Variants in PCP4 observed in about 807,000 individuals in gnomAD.
The protein encoded by PCP4 is calmodulin regulator protein PCP4.
A neutral mutation model predicts 10.0 loss-of-function variants in PCP4; 8 were observed. The observed-to-expected ratio is 0.80, with a 90% CI of 0.47 to 1.45. The LOEUF is 1.45. Ranked by LOEUF, PCP4 falls within the 40% of genes most tolerant of loss-of-function variation. PCP4 has a pLI of 0.00. For missense variants in PCP4, 54 were observed against 74.4 expected, an observed-to-expected ratio of 0.73 and a Z score of 1.01; for synonymous variants, 21 against 23.0, an observed-to-expected ratio of 0.91 and a Z score of 0.24.
chr21:39,868,173 G>A (rs186461760), intron 1 of PCP4, among the ~76,000 whole-genome samples: 27 of 152,276 alleles, frequency 1.8e-4, no homozygotes, highest in Middle Eastern at 3.4e-3. Flanking sequence ...CTGACAGCAC[G>A]TTTGTTTTTC....
At chr21:39,910,318 G>A (rs1467361731) in intron 2 of PCP4, among the ~76,000 whole-genome samples, 1 of 152,116 alleles carries the variant, frequency 6.6e-6, no homozygotes, top group African/African-American at 2.4e-5. Flanking sequence ...GCTTCCCACA[G>A]CAGTCATCGC....
At chr21:39,920,207 T>C (rs1568861857) in intron 2 of PCP4, among the ~76,000 whole-genome samples, 1 of 146,324 alleles carries the variant, frequency 6.8e-6, no homozygotes, top group Non-Finnish European at 1.5e-5. Flanking sequence ...ATACGATATG[T>C]GTGTTTGGTG....
chr21:39,893,750 G>A (rs1226520574), intron 1 of PCP4, among the ~76,000 whole-genome samples: 1 of 152,242 alleles, frequency 6.6e-6, no homozygotes, highest in African/African-American at 2.4e-5. Flanking sequence ...GAGCCCAGTG[G>A]TGTTACTATT....
At position 39,874,611 on chromosome 21, in the gene PCP4, A is replaced by T. The variant is rs369234509; in HGVS notation, c.9+7101A>T. Among the ~76,000 whole-genome samples, 40 of 152,228 alleles carry T rather than the reference A, an allele frequency of 2.6e-4. No individual in the cohort carries two copies. The East Asian group carries it at 7.7e-3, about 29-fold the overall frequency. Reference sequence around the variant, plus strand: ...GAGTAAAAATATAACAAGGAAACACAGAAACACAAGAGGGAGAAATAATAT... The same window carrying T: ...GAGTAAAAATATAACAAGGAAACACTGAAACACAAGAGGGAGAAATAATAT... On this transcript the variant is annotated intron_variant, in intron 1 of 2. Transcript: ENST00000328619.
intron 1 of PCP4, among the ~76,000 whole-genome samples, chr21:39,891,551 T>A (rs930969598): frequency 1.3e-5 from 2 of 152,070 alleles, no homozygotes; most frequent in African/African-American, 2.4e-5. Flanking sequence ...TTGTAATAAA[T>A]AAAGGCATAA....
chr21:39,898,514 A>G lies in PCP4; in HGVS notation c.48A>G (p.Thr16=), dbSNP rs768259290. The change falls in exon 2 of 3, where the codon ACA becomes ACG. Residue 16 remains threonine (T), a synonymous_variant. Transcript: ENST00000328619. ...GGGCAACCAATGGAAAAGACAAGAC[A>G]TCTGGTGAAAATGGTAAGAGGACAT... ...GAGATNGKDK[T]SGENDGQKKV... 2 of 1,614,006 alleles carry G rather than the reference A, an allele frequency of 1.2e-6. No homozygotes were observed. Among genetic ancestry groups the G allele is most frequent in the Non-Finnish European group, 1.7e-6 (2 of 1,179,856 alleles).
chr21:39,901,480 A>G (rs2087482201), intron 2 of PCP4, among the ~76,000 whole-genome samples: 2 of 152,236 alleles, frequency 1.3e-5, no homozygotes, highest in East Asian at 3.9e-4. Flanking sequence ...CCATGCTGAC[A>G]TGCTCAGTGC....
chr21:39,919,452 T>C (rs2087584399), intron 2 of PCP4, among the ~76,000 whole-genome samples: 1 of 152,262 alleles, frequency 6.6e-6, no homozygotes, highest in South Asian at 2.1e-4. Context: ...GGTCCTTTTA[T>C]AGTACGCTAT....
intron 2 of PCP4, among the ~76,000 whole-genome samples, chr21:39,910,683 G>A (rs3819594): frequency 0.28 from 42,166 of 152,188 alleles, 7,141 homozygotes; most frequent in Middle Eastern, 0.4. Context: ...GATTTTGGCT[G>A]GGGTTTTCCA....
intron 1 of PCP4, among the ~76,000 whole-genome samples, chr21:39,869,691 C>T (rs1169836203): frequency 6.6e-6 from 1 of 152,204 alleles, no homozygotes; most frequent in Non-Finnish European, 1.5e-5. Flanking sequence ...TTTGACTAAA[C>T]CTCAAATCTG....
At chr21:39,928,052 A>G (rs937926628) in intron 2 of PCP4, among the ~76,000 whole-genome samples, 1 of 152,058 alleles carries the variant, frequency 6.6e-6, no homozygotes, top group Non-Finnish European at 1.5e-5. Flanking sequence ...TTAGTTTTTT[A>G]TTTCTGTAGG....
chr21:39,874,346 C>T (rs938940434), intron 1 of PCP4, among the ~76,000 whole-genome samples: 1 of 152,140 alleles, frequency 6.6e-6, no homozygotes, highest in Non-Finnish European at 1.5e-5. Flanking sequence ...ATATTATTTA[C>T]GACGGTTTGA....
chr21:39,891,904 C>T (rs932478835), intron 1 of PCP4, among the ~76,000 whole-genome samples: 2 of 152,228 alleles, frequency 1.3e-5, no homozygotes, highest in Non-Finnish European at 2.9e-5. Context: ...ACCAGGAGTA[C>T]GGGAGGAGCA....
chr21:39,877,013 T>C (rs1456279329), intron 1 of PCP4, among the ~76,000 whole-genome samples: 4 of 152,196 alleles, frequency 2.6e-5, no homozygotes, highest in African/African-American at 4.8e-5. Context: ...CATTTTAAAA[T>C]AGGGGACTGA....
chr21:39,883,271 A>G (rs16998813), intron 1 of PCP4, among the ~76,000 whole-genome samples: 2,718 of 152,260 alleles, frequency 0.018, 91 homozygotes, highest in African/African-American at 0.061. Flanking sequence ...TGTAGCTGGC[A>G]TAAATGGAGG....
chr21:39,928,483 C>T (rs1001776844), intron 2 of PCP4, among the ~76,000 whole-genome samples: 3 of 152,148 alleles, frequency 2.0e-5, no homozygotes, highest in South Asian at 4.2e-4. Context: ...ATGGTGTCAT[C>T]CCATCTTGAC....
intron 1 of PCP4, among the ~76,000 whole-genome samples, chr21:39,889,470 A>G: frequency 7.6e-6 from 1 of 130,782 alleles, no homozygotes. Flanking sequence ...AGGCTGCAGT[A>G]CCGTGGCACG....
intron 2 of PCP4, among the ~76,000 whole-genome samples, chr21:39,903,514 G>A (rs1442533393): frequency 6.6e-6 from 1 of 152,212 alleles, no homozygotes; most frequent in African/African-American, 2.4e-5. Flanking sequence ...TTCCTTGGGA[G>A]AGAGACTATG....
At position 39,929,093 on chromosome 21, in the gene PCP4, G is replaced by A; in HGVS notation, c.171G>A (p.Lys57=). The A allele has an allele frequency of 6.2e-7, 1 of 1,613,616 alleles. No homozygotes were observed. The highest frequency in any genetic ancestry group is 1.1e-5 in the South Asian group (1 of 91,012). The change falls in exon 3 of 3, where the codon AAG becomes AAA. Residue 57 remains lysine (K), a synonymous_variant. Transcript: ENST00000328619. ...AGTTCAGAAAATTCCAGAAGAAGAA[G>A]GCTGGGTCTCAGTCCTAGTGGGAGA... ...QSQFRKFQKK[K]AGSQS
Sources: gnomAD v4.1 joint callset for allele counts (sites outside exome capture counted in the v4.1 genomes callset) on GRCh38, gnomAD v4.1.1 for gene constraint, MANE v1.5 for transcripts, NCBI Gene and HGNC (gene_info 2026-07-23, HGNC 2026-07-21) for gene names.